The following BBS7 variants were observed in gnomAD, a reference collection of about 807,000 sequenced individuals.
The protein encoded by BBS7 is BBSome complex member BBS7.
In BBS7, 50 loss-of-function variants were observed where a neutral mutation model predicts 90.3. The ratio of observed to expected loss-of-function variants is 0.55; its 90% CI spans 0.44 to 0.70. The LOEUF (loss-of-function observed/expected upper bound fraction) is 0.70. Among genes scored for constraint, BBS7 ranks in the 30% least tolerant of loss-of-function variants. The pLI is 0.00. For missense variants in BBS7, 729 were observed against 838.9 expected (o/e 0.87, Z 1.62); for synonymous variants, 235 against 287.4 (o/e 0.82, Z 1.85).
At chr4:121,865,578 G>A (rs1727222938) in intron 2 of BBS7, among the ~76,000 whole-genome samples, 1 of 152,076 alleles carries the variant, frequency 6.6e-6, no homozygotes, top group Non-Finnish European at 1.5e-5. Context: ...GTATTCCATT[G>A]TGTATATATA....
At position 121,852,966 on chromosome 4, in the gene BBS7, C is replaced by A; in HGVS notation, c.839G>T (p.Arg280Leu). ...TTTTAATGAACTTACCTGATCAAAT[C>A]GTAGAACAGGTTCATTTGCATTATC... is the stretch of plus-strand genomic sequence containing the variant. ...SFDNANEPVL[R>L]FDQMLSESVT... Residue 280 changes from arginine to leucine, a missense_variant, in exon 8 of 19, where the codon CGA becomes CTA. Coordinates refer to ENST00000264499, the MANE Select transcript of BBS7 (RefSeq NM_176824.3). 6.2e-7 allele frequency: 1 copy of A among 1,613,494 alleles called. No individual in the cohort carries two copies. Among genetic ancestry groups the A allele is most frequent in the Non-Finnish European group, 8.5e-7 (1 of 1,179,622 alleles).
rs888269522 is a variant in BBS7 at position 121,825,490 on chromosome 4, T to C, written c.*370A>G. 6.3e-6 allele frequency: 1 copy of C among 159,038 alleles called. No homozygotes were observed. The highest frequency in any genetic ancestry group is 2.4e-5 in the African/African-American group (1 of 41,594). 9.9% of individuals were successfully genotyped at this position (159,038 alleles called of 1,614,324 possible). ...AAATAAGGTAATATATAAAAATACA[T>C]TTTGAAGCCTATAAAGCGGTCTACA... is the stretch of plus-strand genomic sequence containing the variant. On this transcript the variant is annotated 3_prime_UTR_variant, in exon 19 of 19. Transcript: ENST00000264499.
chr4:121,849,966 C>G (rs749733366), intron 8 of BBS7, among the ~76,000 whole-genome samples: 1 of 152,092 alleles, frequency 6.6e-6, no homozygotes, highest in Non-Finnish European at 1.5e-5. Context: ...ATATGGTAAC[C>G]TATATGGAAT....
intron 7 of BBS7, among the ~76,000 whole-genome samples, chr4:121,854,137 G>A (rs1050206504): frequency 1.4e-4 from 22 of 152,030 alleles, no homozygotes; most frequent in African/African-American, 5.3e-4. Flanking sequence ...CTAATACACA[G>A]CCCTGTTTTA....
At chr4:121,857,837 C>T (rs1244019108) in intron 5 of BBS7, among the ~76,000 whole-genome samples, 1 of 141,102 alleles carries the variant, frequency 7.1e-6, no homozygotes, top group African/African-American at 2.7e-5. Context: ...GATGGAGTCT[C>T]CCTCTGTTGC....
At chr4:121,838,492 G>C (rs1725571440) in intron 13 of BBS7, among the ~76,000 whole-genome samples, 2 of 151,988 alleles carry the variant, frequency 1.3e-5, no homozygotes, top group South Asian at 4.2e-4. Flanking sequence ...ACAGATTTGT[G>C]TGCTATGGTA....
At chr4:121,863,170 A>G (rs747292641) in intron 3 of BBS7, 47 bp downstream of exon 3, 5 of 1,561,752 alleles carry the variant, frequency 3.2e-6, no homozygotes, top group South Asian at 1.1e-5. Flanking sequence ...TAAATAGTGC[A>G]TTCTCTTTTA....
intron 15 of BBS7, among the ~76,000 whole-genome samples, chr4:121,832,465 G>A (rs1452473829): frequency 6.6e-6 from 1 of 152,198 alleles, no homozygotes; most frequent in Non-Finnish European, 1.5e-5. Flanking sequence ...TATTGGCCTT[G>A]CCCAAGAAGT....
At chr4:121,833,711 T>A (rs1725309220) in intron 14 of BBS7, among the ~76,000 whole-genome samples, 2 of 152,260 alleles carry the variant, frequency 1.3e-5, no homozygotes, top group East Asian at 1.9e-4. Flanking sequence ...TTTATTTTTT[T>A]ATTTTTTTAT....
intron 14 of BBS7, among the ~76,000 whole-genome samples, chr4:121,834,525 T>G (rs2149055741): frequency 6.6e-6 from 1 of 152,326 alleles, no homozygotes; most frequent in East Asian, 1.9e-4. Flanking sequence ...GTTACTTAAC[T>G]TTTCTAAGCC....
chr4:121,858,828 T>C, intron 5 of BBS7, 164 bp downstream of exon 5: 2 of 699,058 alleles, frequency 2.9e-6, no homozygotes, highest in South Asian at 2.1e-5. Context: ...ACAACACATT[T>C]GACTCAAGTT....
intron 5 of BBS7, among the ~76,000 whole-genome samples, chr4:121,856,216 C>A (rs1012031868): frequency 1.3e-5 from 2 of 152,094 alleles, no homozygotes; most frequent in African/African-American, 4.8e-5. Flanking sequence ...TTTGGGTATT[C>A]CCAAAATCTG....
chr4:121,841,920 AATCGCTTAT>A (rs1725759137), intron 12 of BBS7, among the ~76,000 whole-genome samples: 3 of 152,192 alleles, frequency 2.0e-5, no homozygotes, highest in Admixed American at 2.0e-4. Context: ...ACTGTTATAA[AATCGCTTAT>A]TAAAAATAAA....
intron 11 of BBS7, among the ~76,000 whole-genome samples, chr4:121,844,752 C>T (rs1310541493): frequency 3.3e-5 from 5 of 151,774 alleles, no homozygotes; most frequent in Non-Finnish European, 7.4e-5. Flanking sequence ...TAAATTTCAC[C>T]CTTTAGTATT....
In BBS7 at chr4:121,828,148, T is replaced by C. The variant is rs1013002037; in HGVS notation, c.2012A>G (p.Tyr671Cys). 1.1e-5 allele frequency: 17 copies of C among 1,613,734 alleles called. No homozygotes were observed. The highest frequency in any genetic ancestry group is 1.4e-5 in the Non-Finnish European group (16 of 1,179,864). The stretch of plus-strand genomic sequence containing the variant: ...GTATTCTAGAATGGTCCACTAACCA[T>C]AGAGTCTTTCAAGATGTGCAGGTTG... Reference protein sequence around the residue: ...KKQPAHLERLYGMITDLFIDK... With the variant: ...KKQPAHLERLCGMITDLFIDK... The change falls in exon 18 of 19, where the codon TAT (tyrosine) becomes TGT (cysteine). Residue 671 changes from tyrosine to cysteine, a missense_variant and splice_region_variant. Coordinates refer to ENST00000264499, the MANE Select transcript of BBS7 (RefSeq NM_176824.3).
intron 17 of BBS7, 55 bp from the exon 18 acceptor site, chr4:121,828,324 A>G: frequency 6.3e-7 from 1 of 1,591,792 alleles, no homozygotes; most frequent in Non-Finnish European, 8.6e-7. Flanking sequence ...ATCCAATGTA[A>G]TGTTAAAGTA....
chr4:121,856,614 AAGG>A (rs1454512015), intron 5 of BBS7, among the ~76,000 whole-genome samples: 5 of 152,084 alleles, frequency 3.3e-5, no homozygotes, highest in South Asian at 2.1e-4. Flanking sequence ...CAGGAGGCTA[AAGG>A]AGGAGAATTG....
At chr4:121,870,249 G>A (rs572178327) in intron 1 of BBS7, 29 bp downstream of exon 1, 58 of 1,613,726 alleles carry the variant, frequency 3.6e-5, no homozygotes, top group Non-Finnish European at 4.7e-5. Context: ...CTTGCCCAGC[G>A]CGGCGCCCGC....
intron 8 of BBS7, among the ~76,000 whole-genome samples, chr4:121,849,303 C>T (rs1006729876): frequency 2.6e-5 from 4 of 152,170 alleles, no homozygotes; most frequent in East Asian, 3.9e-4. Context: ...TGGGCTCAAA[C>T]GATCCTCCCT....
Sources: gnomAD v4.1 joint callset for allele counts (sites outside exome capture counted in the v4.1 genomes callset) on GRCh38, gnomAD v4.1.1 for gene constraint, MANE v1.5 for transcripts, NCBI Gene and HGNC (gene_info 2026-07-23, HGNC 2026-07-21) for gene names.